MMS22L: variants seen among roughly 807,000 people sequenced by gnomAD.
MMS22L encodes MMS22 like, DNA repair protein.
Under a neutral mutation model 159.1 loss-of-function variants are expected in MMS22L, and 74 were observed. That is an observed-to-expected ratio of 0.47 (90% confidence interval 0.39 to 0.56). MMS22L has a LOEUF of 0.56. Among genes scored for constraint, MMS22L ranks in the 20% least tolerant of loss-of-function variants. The pLI, the probability that MMS22L is intolerant of heterozygous loss-of-function variation, is 0.00. For missense variants in MMS22L, 1,351 were observed against 1,422.1 expected (o/e 0.95, Z 0.80); for synonymous variants, 517 against 506.9 (o/e 1.02, Z -0.27).
chr6:97,182,483 TTC>T (rs1048840782), intron 15 of MMS22L, among the ~76,000 whole-genome samples: 2 of 152,200 alleles, frequency 1.3e-5, no homozygotes, highest in African/African-American at 4.8e-5. Flanking sequence ...GGACATTCTC[TTC>T]TATTAAACAG....
At chr6:97,246,361 G>A (rs1812641626) in intron 11 of MMS22L, among the ~76,000 whole-genome samples, 1 of 152,108 alleles carries the variant, frequency 6.6e-6, no homozygotes, top group South Asian at 2.1e-4. Flanking sequence ...GTCAAGGAAT[G>A]GCATACAGTT....
intron 14 of MMS22L, among the ~76,000 whole-genome samples, chr6:97,206,029 A>G (rs889129650): frequency 1.4e-4 from 22 of 152,168 alleles, no homozygotes; most frequent in Admixed American, 1.2e-3. Flanking sequence ...ATAGAATTAT[A>G]ATAATTCTGT....
chr6:97,269,319 A>C (rs959840642), intron 7 of MMS22L, among the ~76,000 whole-genome samples: 4 of 152,128 alleles, frequency 2.6e-5, no homozygotes, highest in African/African-American at 9.6e-5. Flanking sequence ...CCTATATATC[A>C]GCAGGACTTA....
chr6:97,191,158 T>A (rs1805823803), intron 14 of MMS22L, among the ~76,000 whole-genome samples: 2 of 152,048 alleles, frequency 1.3e-5, no homozygotes, highest in Admixed American at 1.3e-4. Context: ...AGATACCTTA[T>A]CCCCACAGAC....
At chr6:97,267,642 TAAAAA>T in intron 8 of MMS22L, 2 of 191,350 alleles carry the variant, frequency 1.0e-5, no homozygotes, top group Non-Finnish European at 9.8e-6. Flanking sequence ...CTATTTTTCT[TAAAAA>T]AAAAAAAAAA....
intron 10 of MMS22L, among the ~76,000 whole-genome samples, chr6:97,250,366 A>C (rs184434165): frequency 6.6e-6 from 1 of 152,256 alleles, no homozygotes; most frequent in African/African-American, 2.4e-5. Context: ...TACATTTCAC[A>C]CTTTTATCTG....
chr6:97,211,026 T>A (rs995951983), intron 14 of MMS22L, among the ~76,000 whole-genome samples: 1 of 152,020 alleles, frequency 6.6e-6, no homozygotes, highest in African/African-American at 2.4e-5. Flanking sequence ...CTTTCTACTA[T>A]ACTATAAGCT....
chr6:97,239,633 C>T (rs1268356765), intron 11 of MMS22L, among the ~76,000 whole-genome samples: 4 of 152,180 alleles, frequency 2.6e-5, no homozygotes, highest in Non-Finnish European at 5.9e-5. Flanking sequence ...AGTGGTCAGG[C>T]TGGGTGCGGT....
At chr6:97,246,911 A>T (rs1812708150) in intron 10 of MMS22L, among the ~76,000 whole-genome samples, 1 of 152,162 alleles carries the variant, frequency 6.6e-6, no homozygotes. Context: ...CAGGAGTTGT[A>T]ACAGTGGTGC....
chr6:97,153,248 A>G (rs1412601273), intron 22 of MMS22L, among the ~76,000 whole-genome samples: 1 of 152,112 alleles, frequency 6.6e-6, no homozygotes, highest in Non-Finnish European at 1.5e-5. Flanking sequence ...TCAGAGTTGT[A>G]CAACCATCAT....
intron 22 of MMS22L, among the ~76,000 whole-genome samples, chr6:97,156,247 C>A (rs1801827722): frequency 6.6e-6 from 1 of 152,006 alleles, no homozygotes; most frequent in Non-Finnish European, 1.5e-5. Flanking sequence ...AGATGGATTG[C>A]AAAAATTTTC....
At chr6:97,248,496 C>T (rs1400482619) in intron 10 of MMS22L, among the ~76,000 whole-genome samples, 4 of 152,160 alleles carry the variant, frequency 2.6e-5, no homozygotes, top group Non-Finnish European at 4.4e-5. Context: ...GACTTTTTGA[C>T]ATACACAAAT....
chr6:97,210,891 C>G (rs1808303859), intron 14 of MMS22L, among the ~76,000 whole-genome samples: 1 of 151,958 alleles, frequency 6.6e-6, no homozygotes, highest in African/African-American at 2.4e-5. Flanking sequence ...CATGAGTAGT[C>G]TGCAGAATGT....
At chr6:97,220,195 T>C (rs1305383714) in intron 14 of MMS22L, among the ~76,000 whole-genome samples, 3 of 152,142 alleles carry the variant, frequency 2.0e-5, no homozygotes, top group South Asian at 4.1e-4. Flanking sequence ...AAGATATAAA[T>C]AAAGGTAGAA....
At position 97,229,511 on chromosome 6, in the gene MMS22L, A is replaced by G. The variant is rs533178158; in HGVS notation, c.1530-108T>C. On this transcript the variant is annotated intron_variant, in intron 13 of 24. Transcript: ENST00000683635. The stretch of plus-strand genomic sequence containing the variant: ...CTCATAACAATCTCATTAAATTTTA[A>G]GCTAATTCTTTATTTTGATGCTGCC... The G allele has an allele frequency of 2.6e-5, 20 of 781,466 alleles. No homozygotes were observed. In the South Asian group the frequency reaches 4.3e-4, roughly 17 times the overall value. The allele number at this position is 781,466 out of a possible 1,614,324, so 48.4% of individuals were successfully genotyped here.
chr6:97,261,688 T>C (rs1814500538), intron 9 of MMS22L: 1 of 152,184 alleles, frequency 6.6e-6, no homozygotes, highest in African/African-American at 2.4e-5. Flanking sequence ...CCCACATTGT[T>C]CAAGAGTCAA....
chr6:97,283,285 GCC>G (rs1816942149), upstream of MMS22L: 1 of 152,094 alleles, frequency 6.6e-6, no homozygotes, highest in Non-Finnish European at 1.5e-5. Context: ...AACAGTCGGA[GCC>G]CCACGAATTC....
chr6:97,157,397 AGTTTTCAAAGGGAAT>A (rs1476669774), intron 22 of MMS22L, among the ~76,000 whole-genome samples: 1 of 152,194 alleles, frequency 6.6e-6, no homozygotes, highest in Non-Finnish European at 1.5e-5. Context: ...GTCTTATGCC[AGTTTTCAAAGGGAAT>A]GTTTCCAGTT....
intron 2 of MMS22L, 150 bp downstream of exon 2, chr6:97,282,164 C>G (rs1816808955): frequency 1.3e-6 from 1 of 758,940 alleles, no homozygotes; most frequent in African/African-American, 1.8e-5. Context: ...GCCAGCAGAA[C>G]TGATAATCAT....
Sources: gnomAD v4.1 joint callset for allele counts (sites outside exome capture counted in the v4.1 genomes callset) on GRCh38, gnomAD v4.1.1 for gene constraint, MANE v1.5 for transcripts, NCBI Gene and HGNC (gene_info 2026-07-23, HGNC 2026-07-21) for gene names.